The following CHST8 variants were observed in gnomAD, a reference collection of about 807,000 sequenced individuals.
CHST8 encodes the protein carbohydrate sulfotransferase 8, also known as GALNAC-4-ST1.
Under a neutral mutation model 15.0 loss-of-function variants are expected in CHST8, and 10 were observed. The ratio of observed to expected loss-of-function variants is 0.67; its 90% CI spans 0.41 to 1.13. The LOEUF (loss-of-function observed/expected upper bound fraction) is 1.13. Among genes scored for constraint, CHST8 ranks in the 50% most tolerant of loss-of-function variants. The pLI, the probability that CHST8 is intolerant of heterozygous loss-of-function variation, is 0.00. For missense variants in CHST8, 634 were observed against 608.2 expected (o/e 1.04, Z -0.45); for synonymous variants, 259 against 256.6 (o/e 1.01, Z -0.09).
chr19:33,757,514 GAAAGAAAGAGAAA>G (rs1974608335), intron 3 of CHST8, among the ~76,000 whole-genome samples: 1 of 54,042 alleles, frequency 1.9e-5, no homozygotes, highest in African/African-American at 9.0e-5. Context: ...AAGAAAGAAA[GAAAGAAAGAGAAA>G]GAAAGAAAGA....
chr19:33,722,238 G>A (rs12975005), intron 3 of CHST8, among the ~76,000 whole-genome samples: 2 of 151,152 alleles, frequency 1.3e-5, no homozygotes, highest in Non-Finnish European at 2.9e-5. Context: ...TGAATGGGTG[G>A]ATGGAAGGTG....
intron 3 of CHST8, among the ~76,000 whole-genome samples, chr19:33,707,191 C>T (rs1973463586): frequency 6.6e-6 from 1 of 152,174 alleles, no homozygotes; most frequent in Non-Finnish European, 1.5e-5. Flanking sequence ...TAGCTGGGAC[C>T]ACAGGCACAT....
intron 1 of CHST8, among the ~76,000 whole-genome samples, chr19:33,664,092 T>C (rs1050172357): frequency 6.6e-6 from 1 of 152,182 alleles, no homozygotes; most frequent in Non-Finnish European, 1.5e-5. Context: ...ATTATGCCAA[T>C]GATCGCAGTT....
At chr19:33,746,701 C>T (rs899473910) in intron 3 of CHST8, among the ~76,000 whole-genome samples, 3 of 152,226 alleles carry the variant, frequency 2.0e-5, no homozygotes, top group Non-Finnish European at 2.9e-5. Context: ...CACAGCCATG[C>T]GGCCAGGAGT....
chr19:33,689,373 GC>G lies in CHST8; in HGVS notation c.118del (p.Gln40SerfsTer6). The G allele has an allele frequency of 3.1e-6, 5 of 1,598,508 alleles. No homozygotes were observed. The highest frequency in any genetic ancestry group is 2.3e-5 in the East Asian group (1 of 43,836). ...FISLQDPTEL[A>X]PQQVPGIKFN... ...CAGCCTGCAGGACCCTACGGAGCTC[GC>G]CCCCCAGCAGGTGCCAGGTGAGTCC... On this transcript the variant is annotated frameshift_variant, in exon 3 of 5. Coordinates refer to ENST00000650847, the MANE Select transcript of CHST8 (RefSeq NM_001127895.2). LOFTEE classifies it high-confidence loss of function.
intron 4 of CHST8, 145 bp from the exon 5 acceptor site, chr19:33,771,812 C>T: frequency 1.0e-6 from 1 of 989,764 alleles, no homozygotes; most frequent in Non-Finnish European, 1.5e-6. Flanking sequence ...AGGGCTCAGA[C>T]CGGAGGGGTC....
intron 3 of CHST8, among the ~76,000 whole-genome samples, chr19:33,691,301 C>T (rs902081948): frequency 3.3e-5 from 5 of 152,196 alleles, no homozygotes; most frequent in Admixed American, 3.3e-4. Context: ...TTGCAGCTGG[C>T]AGACCTGGCA....
At chr19:33,661,758 C>T (rs964739296) in intron 1 of CHST8, among the ~76,000 whole-genome samples, 1 of 151,572 alleles carries the variant, frequency 6.6e-6, no homozygotes, top group Non-Finnish European at 1.5e-5. Flanking sequence ...CAGCCATGCA[C>T]GATGGCTCAT....
At chr19:33,623,095 G>A (rs1241071464) in intron 1 of CHST8, among the ~76,000 whole-genome samples, 1 of 152,142 alleles carries the variant, frequency 6.6e-6, no homozygotes, top group East Asian at 1.9e-4. Context: ...CCGATGCTGG[G>A]GCTTGGGTCT....
In CHST8 at chr19:33,667,798, A is replaced by G. The variant is rs118181591; in HGVS notation, c.-132A>G. 6 of 152,228 alleles carry G rather than the reference A, an allele frequency of 3.9e-5. No individual in the cohort carries two copies. In the East Asian group the frequency reaches 9.7e-4, roughly 25 times the overall value. The allele number at this position is 152,228 out of a possible 1,614,324, so 9.4% of individuals were successfully genotyped here. On this transcript the variant is annotated 5_prime_UTR_variant, in exon 2 of 5. Transcript: ENST00000650847. Reference sequence around the variant, plus strand: ...AGGTCAACAAGAATATCTTACCTTAATTTGACAAGTACGCAAGAAATAATG... The same window carrying G: ...AGGTCAACAAGAATATCTTACCTTAGTTTGACAAGTACGCAAGAAATAATG...
intron 2 of CHST8, among the ~76,000 whole-genome samples, chr19:33,677,858 G>T (rs1248292761): frequency 2.6e-5 from 4 of 152,242 alleles, no homozygotes; most frequent in Admixed American, 6.5e-5. Flanking sequence ...GGCACGGGAG[G>T]TTGGCAGAGG....
At chr19:33,647,682 C>T (rs1168635352) in intron 1 of CHST8, among the ~76,000 whole-genome samples, 2 of 151,802 alleles carry the variant, frequency 1.3e-5, no homozygotes, top group African/African-American at 4.8e-5. Flanking sequence ...CCTGTCTCTA[C>T]TAAAAATACA....
chr19:33,690,564 G>A (rs1256069998), intron 3 of CHST8, among the ~76,000 whole-genome samples: 2 of 152,202 alleles, frequency 1.3e-5, no homozygotes, highest in Non-Finnish European at 2.9e-5. Flanking sequence ...ATGGGCAGGC[G>A]AATGAGTTGA....
intron 1 of CHST8, among the ~76,000 whole-genome samples, chr19:33,624,337 T>C (rs1350085616): frequency 6.6e-6 from 1 of 152,200 alleles, no homozygotes; most frequent in African/African-American, 2.4e-5. Flanking sequence ...TCTGACCTCC[T>C]GGGCTTGGTA....
chr19:33,639,441 C>T (rs1458283808), intron 1 of CHST8, among the ~76,000 whole-genome samples: 1 of 152,168 alleles, frequency 6.6e-6, no homozygotes, highest in African/African-American at 2.4e-5. Flanking sequence ...AGCATCGGGG[C>T]AGCCTTGTAA....
intron 3 of CHST8, among the ~76,000 whole-genome samples, chr19:33,736,815 A>G (rs1447031037): frequency 6.6e-6 from 1 of 152,126 alleles, no homozygotes; most frequent in Admixed American, 6.5e-5. Flanking sequence ...ACATTCATGA[A>G]GGAATGCATG....
chr19:33,638,855 T>C (rs1265136402), intron 1 of CHST8, among the ~76,000 whole-genome samples: 2 of 152,008 alleles, frequency 1.3e-5, no homozygotes, highest in African/African-American at 4.8e-5. Context: ...CCTGGTGAGA[T>C]TGCTCCCCAA....
chr19:33,699,763 C>T (rs926501665), intron 3 of CHST8, among the ~76,000 whole-genome samples: 1 of 152,170 alleles, frequency 6.6e-6, no homozygotes, highest in African/African-American at 2.4e-5. Flanking sequence ...ACCAGGGACA[C>T]ACTGCCCTGC....
At chr19:33,624,372 G>C (rs1197485573) in intron 1 of CHST8, among the ~76,000 whole-genome samples, 2 of 152,182 alleles carry the variant, frequency 1.3e-5, no homozygotes, top group Non-Finnish European at 2.9e-5. Flanking sequence ...GACTGTAACC[G>C]ACGACAGAGG....
Sources: gnomAD v4.1 joint callset for allele counts (sites outside exome capture counted in the v4.1 genomes callset) on GRCh38, gnomAD v4.1.1 for gene constraint, MANE v1.5 for transcripts, NCBI Gene and HGNC (gene_info 2026-07-23, HGNC 2026-07-21) for gene names.